CDKL4: variants seen among roughly 807,000 people sequenced by gnomAD.
CDKL4 encodes cyclin dependent kinase like 4.
A neutral mutation model predicts 42.0 loss-of-function variants in CDKL4; 44 were observed. The observed-to-expected ratio is 1.05, with a 90% confidence interval of 0.82 to 1.35. The LOEUF is 1.35. Among genes scored for constraint, CDKL4 ranks in the 40% most tolerant of loss-of-function variants. The pLI is 0.00. For missense variants in CDKL4, 393 were observed against 369.9 expected (o/e 1.06, Z -0.51); for synonymous variants, 120 against 121.6 (o/e 0.99, Z 0.09).
intron 6 of CDKL4, among the ~76,000 whole-genome samples, chr2:39,189,795 C>T (rs1676067271): frequency 6.6e-6 from 1 of 152,198 alleles, no homozygotes; most frequent in South Asian, 2.1e-4. Context: ...TGTTGACATG[C>T]TGCGTATTGC....
chr2:39,180,451 T>C (rs1418349882), intron 8 of CDKL4, among the ~76,000 whole-genome samples: 2 of 152,220 alleles, frequency 1.3e-5, no homozygotes, highest in Non-Finnish European at 2.9e-5. Flanking sequence ...TCCCTGAAGC[T>C]GCCTGCCCCT....
intron 1 of CDKL4, among the ~76,000 whole-genome samples, chr2:39,231,120 G>A (rs1361623900): frequency 6.6e-6 from 1 of 152,180 alleles, no homozygotes; most frequent in Non-Finnish European, 1.5e-5. Context: ...GCTGAGGCAG[G>A]AGAATCTCTT....
chr2:39,191,312 T>A (rs1572957873), intron 5 of CDKL4, among the ~76,000 whole-genome samples: 2 of 152,230 alleles, frequency 1.3e-5, no homozygotes, highest in Middle Eastern at 6.8e-3. Flanking sequence ...GGCAGGAGAA[T>A]CACTTGAACC....
At chr2:39,211,348 A>G (rs1298670774) in intron 4 of CDKL4, among the ~76,000 whole-genome samples, 1 of 152,160 alleles carries the variant, frequency 6.6e-6, no homozygotes, top group African/African-American at 2.4e-5. Context: ...TGATAACACC[A>G]CTGCACTCCA....
chr2:39,199,740 A>G (rs1006120455), intron 5 of CDKL4, among the ~76,000 whole-genome samples: 3 of 152,192 alleles, frequency 2.0e-5, no homozygotes, highest in African/African-American at 7.2e-5. Flanking sequence ...CAAAAATCAC[A>G]AGGTCATCTC....
At chr2:39,224,474 T>G (rs548753337) in intron 3 of CDKL4, among the ~76,000 whole-genome samples, 1 of 152,156 alleles carries the variant, frequency 6.6e-6, no homozygotes, top group South Asian at 2.1e-4. Flanking sequence ...GTTGTTAATA[T>G]TTGAATGGGA....
At chr2:39,232,590 T>TG (rs1679138921) in intron 1 of CDKL4, among the ~76,000 whole-genome samples, 2 of 152,254 alleles carry the variant, frequency 1.3e-5, no homozygotes, top group South Asian at 2.1e-4. Flanking sequence ...GTACATGTGG[T>TG]GGGGGGCTTT....
chr2:39,175,057 A>G (rs1172187845), downstream of CDKL4, among the ~76,000 whole-genome samples: 2 of 152,044 alleles, frequency 1.3e-5, no homozygotes, highest in African/African-American at 2.4e-5. Flanking sequence ...GTTTTGTAAG[A>G]GATATGAAAT....
In CDKL4 at chr2:39,239,462, G is replaced by C. The variant is rs536309171; in HGVS notation, c.-57+4409C>G. On this transcript the variant is annotated intron_variant, in intron 1 of 9. Coordinates refer to ENST00000451199, the Ensembl canonical transcript of CDKL4. ...AAAAATATTAGCAAATCTTATATCT[G>C]ATAAAATATTTGTATCCAGAATACA... Among the ~76,000 whole-genome samples, 5 of 152,272 alleles carry C rather than the reference G, an allele frequency of 3.3e-5. No homozygotes were observed. In the South Asian group the frequency reaches 1.0e-3, roughly 32 times the overall value.
intron 5 of CDKL4, among the ~76,000 whole-genome samples, chr2:39,195,306 T>C (rs576807707): frequency 1.2e-4 from 19 of 152,326 alleles, no homozygotes; most frequent in African/African-American, 4.1e-4. Flanking sequence ...GCCAATTTTT[T>C]TGGGTATGTA....
chr2:39,201,317 A>AC (rs398104211), intron 5 of CDKL4, among the ~76,000 whole-genome samples: 1 of 151,316 alleles, frequency 6.6e-6, no homozygotes, highest in Non-Finnish European at 1.5e-5. Flanking sequence ...AAAAAAAAAA[A>AC]CTACAGATGT....
chr2:39,207,656 T>G (rs1677287265), intron 4 of CDKL4, among the ~76,000 whole-genome samples: 1 of 152,190 alleles, frequency 6.6e-6, no homozygotes, highest in Non-Finnish European at 1.5e-5. Flanking sequence ...CATGTGAAAT[T>G]TATAGCACTT....
In CDKL4 at chr2:39,179,014, T is replaced by C; in HGVS notation, c.927+173A>G. 2.1e-6 allele frequency: 3 copies of C among 1,458,556 alleles called. No homozygotes were observed. In the South Asian group the frequency reaches 4.4e-5, roughly 22 times the overall value. 90.4% of individuals were successfully genotyped at this position (1,458,556 alleles called of 1,614,324 possible). A position where few individuals can be genotyped will look rare whatever the true frequency, so the allele number is the denominator to read the frequency against. ...TTTTGCAATAATCTTGATATTTTCATAGTTCTATGGTTTTATTACATCAAT... is the reference window on the plus strand; with the variant it reads ...TTTTGCAATAATCTTGATATTTTCACAGTTCTATGGTTTTATTACATCAAT... On this transcript the variant is annotated intron_variant, in intron 9 of 9. Coordinates refer to ENST00000451199, the Ensembl canonical transcript of CDKL4.
chr2:39,224,221 G>A (rs1319333822), intron 3 of CDKL4, among the ~76,000 whole-genome samples: 2 of 151,840 alleles, frequency 1.3e-5, no homozygotes, highest in East Asian at 1.9e-4. Flanking sequence ...TTTAATATTT[G>A]ACAGTTAAAA....
At chr2:39,204,131 T>C (rs1677021244) in intron 5 of CDKL4, among the ~76,000 whole-genome samples, 1 of 152,216 alleles carries the variant, frequency 6.6e-6, no homozygotes, top group African/African-American at 2.4e-5. Flanking sequence ...TCACCAGCTC[T>C]GTGAAGTTTT....
intron 3 of CDKL4, among the ~76,000 whole-genome samples, chr2:39,215,707 G>A (rs1005027069): frequency 6.6e-6 from 1 of 152,164 alleles, no homozygotes. Context: ...TATGACACTA[G>A]CTACAAGAGT....
chr2:39,187,992 T>TG (rs1295801108), intron 6 of CDKL4, among the ~76,000 whole-genome samples: 9 of 151,658 alleles, frequency 5.9e-5, no homozygotes, highest in Admixed American at 6.6e-5. Context: ...CGCTTGAACC[T>TG]GGGAGGCAGA....
At chr2:39,202,049 T>C (rs1232285048) in intron 5 of CDKL4, among the ~76,000 whole-genome samples, 2 of 152,018 alleles carry the variant, frequency 1.3e-5, no homozygotes, top group African/African-American at 4.8e-5. Flanking sequence ...CTGGCCAACA[T>C]TGCAAAAACT....
Position 39,207,820 on chromosome 2 carries a change from G to A in CDKL4, c.364-3203C>T, listed in dbSNP as rs993104144. Among the ~76,000 whole-genome samples, 4 of 152,218 alleles carry A rather than the reference G, an allele frequency of 2.6e-5. No homozygotes were observed. In the East Asian group the frequency reaches 7.7e-4, roughly 29 times the overall value. ...AAGGGAGTAAAAACAATTGGAACCTGGCTGGGCGTGGTGGCTCATGCCTGT... is the reference window on the plus strand; with the variant it reads ...AAGGGAGTAAAAACAATTGGAACCTAGCTGGGCGTGGTGGCTCATGCCTGT... On this transcript the variant is annotated intron_variant, in intron 4 of 9. Coordinates refer to ENST00000451199, the Ensembl canonical transcript of CDKL4.
Sources: gnomAD v4.1 joint callset for allele counts (sites outside exome capture counted in the v4.1 genomes callset) on GRCh38, gnomAD v4.1.1 for gene constraint, MANE v1.5 for transcripts, NCBI Gene and HGNC (gene_info 2026-07-23, HGNC 2026-07-21) for gene names.